ARHGAP6: variants seen among roughly 807,000 people sequenced by gnomAD.
The protein encoded by ARHGAP6 is rho GTPase-activating protein 6.
A neutral mutation model predicts 55.7 loss-of-function variants in ARHGAP6; 16 were observed. The ratio of observed to expected loss-of-function variants is 0.29; its 90% CI spans 0.19 to 0.44. The LOEUF is 0.44. Ranked by LOEUF, ARHGAP6 falls within the 20% of genes least tolerant of loss-of-function variation. The pLI, the probability that ARHGAP6 is intolerant of heterozygous loss-of-function variation, is 1.00. For missense variants in ARHGAP6, 698 were observed against 808.9 expected (o/e 0.86, Z 1.66); for synonymous variants, 382 against 360.9 (o/e 1.06, Z -0.66).
At chrX:11,142,160 T>C (rs746807335) in intron 12 of ARHGAP6, 73 bp downstream of exon 12, 4 of 719,453 alleles carry the variant, frequency 5.6e-6, no homozygotes, top group Non-Finnish European at 8.1e-6. Flanking sequence ...GCATGTAATA[T>C]AATGATAGTA....
At chrX:11,295,503 G>GGT (rs1203826439) in intron 1 of ARHGAP6, among the ~76,000 whole-genome samples, 2 of 111,361 alleles carry the variant, frequency 1.8e-5, no homozygotes, top group Admixed American at 1.9e-4. Flanking sequence ...TCTGGACACA[G>GGT]GTGCATAAGG....
At position 11,476,611 on chromosome X, in the gene ARHGAP6, GGAT is replaced by G. The variant is rs780996486; in HGVS notation, c.588+187627_588+187629del. The stretch of plus-strand genomic sequence containing the variant: ...AAGACATTGTGTACAGTGAAAGACA[GGAT>G]GATAATTGCATGAAGAAAGACATAT... On this transcript the variant is annotated intron_variant, in intron 1 of 12. Transcript: ENST00000337414. Among the ~76,000 whole-genome samples, 538 of 111,110 alleles carry G rather than the reference GGAT, an allele frequency of 4.8e-3. 3 individuals carry two copies. Among genetic ancestry groups the G allele is most frequent in the African/African-American group, 0.016 (499 of 30,722 alleles).
At chrX:11,636,224 A>G (rs1002370352) in intron 1 of ARHGAP6, among the ~76,000 whole-genome samples, 1 of 111,515 alleles carries the variant, frequency 9.0e-6, no homozygotes, top group Non-Finnish European at 1.9e-5. Context: ...AACAAATTAT[A>G]TGAACACCCT....
chrX:11,513,738 AT>A (rs1240568404), intron 1 of ARHGAP6, among the ~76,000 whole-genome samples: 1 of 111,221 alleles, frequency 9.0e-6, no homozygotes, highest in Admixed American at 9.6e-5. Flanking sequence ...CATGCGACAA[AT>A]TCTTTCCAAA....
intron 1 of ARHGAP6, among the ~76,000 whole-genome samples, chrX:11,262,146 A>T (rs892123969): frequency 5.4e-5 from 6 of 111,955 alleles, no homozygotes; most frequent in African/African-American, 1.6e-4. Context: ...ACATAAACAG[A>T]ATCATAGGGC....
intron 2 of ARHGAP6, among the ~76,000 whole-genome samples, chrX:11,216,200 T>TAAA (rs112779032): frequency 1.0e-5 from 1 of 96,365 alleles, no homozygotes. Flanking sequence ...GTCTTCCTCT[T>TAAA]AAAAAAAAAA....
intron 1 of ARHGAP6, among the ~76,000 whole-genome samples, chrX:11,363,518 T>A (rs749212325): frequency 9.8e-5 from 11 of 111,966 alleles, no homozygotes; most frequent in Non-Finnish European, 1.5e-4. Flanking sequence ...TCCATATGAG[T>A]ATAACATTGA....
chrX:11,646,246 T>C (rs902511096), intron 1 of ARHGAP6, among the ~76,000 whole-genome samples: 1 of 111,228 alleles, frequency 9.0e-6, no homozygotes, highest in East Asian at 2.8e-4. Context: ...GTAATACCCA[T>C]GGGTATTACA....
intron 2 of ARHGAP6, among the ~76,000 whole-genome samples, chrX:11,208,120 T>TA (rs1164662789): frequency 1.8e-5 from 2 of 111,594 alleles, no homozygotes; most frequent in East Asian, 5.6e-4. Flanking sequence ...GAAACAGGGA[T>TA]AAAAAATATT....
chrX:11,339,749 G>A (rs1280409000), intron 1 of ARHGAP6, among the ~76,000 whole-genome samples: 1 of 110,729 alleles, frequency 9.0e-6, no homozygotes, highest in African/African-American at 3.3e-5. Context: ...CCCCATCTAG[G>A]GGCATCACAT....
intron 9 of ARHGAP6, among the ~76,000 whole-genome samples, chrX:11,158,669 C>T (rs182813671): frequency 3.6e-4 from 40 of 112,403 alleles, no homozygotes; most frequent in Admixed American, 1.0e-3. Context: ...CACTTGCATA[C>T]TGTCCTCAAT....
rs2046949349 is a variant in ARHGAP6, at chrX:11,220,287, C to A, written c.749-23291G>T. Among the ~76,000 whole-genome samples the A allele has an allele frequency of 7.2e-5, 8 of 111,235 alleles. No individual in the cohort carries two copies. In the South Asian group the frequency reaches 2.7e-3, roughly 37 times the overall value. ...ACCAGTACCATGCTGTTTTACACCA[C>A]AAAGATACTCCTCGAGAAGAGCAAC... On this transcript the variant is annotated intron_variant, in intron 2 of 12. Coordinates refer to ENST00000337414, the MANE Select transcript of ARHGAP6 (RefSeq NM_013427.3).
rs746242897 is a variant in ARHGAP6, at chrX:11,144,076, C to G, written c.2080G>C (p.Glu694Gln). 5.8e-6 allele frequency: 7 copies of G among 1,211,116 alleles called. No homozygotes were observed. The South Asian group carries it at 1.1e-4, about 18-fold the overall frequency. Residue 694 changes from glutamate to glutamine, a missense_variant, in exon 11 of 13, where the codon GAG (glutamate) becomes CAG (glutamine). Coordinates refer to ENST00000337414, the MANE Select transcript of ARHGAP6 (RefSeq NM_013427.3). ...MQEDAAPGGS[E>Q]KLYRVPGQFM... is the part of the protein sequence containing the mutation. The stretch of plus-strand genomic sequence containing the variant: ...TGCCCTGGCACTCTGTAAAGCTTCT[C>G]CGAGCCCCCCGGGGCCGCGTCCTCT...
At position 11,431,834 on chromosome X, in the gene ARHGAP6, G is replaced by A. The variant is rs767040003; in HGVS notation, c.589-177127C>T. Among the ~76,000 whole-genome samples, 4 of 112,457 alleles carry A rather than the reference G, an allele frequency of 3.6e-5. No individual in the cohort carries two copies. The South Asian group carries it at 1.5e-3, about 42-fold the overall frequency. Reference sequence around the variant, plus strand: ...CCCTAGACCCCCATGTCCCTTGGCTGTATTTCCCTCCTCCATCCCAGTGGT... The same window carrying A: ...CCCTAGACCCCCATGTCCCTTGGCTATATTTCCCTCCTCCATCCCAGTGGT... On this transcript the variant is annotated intron_variant, in intron 1 of 12. Coordinates refer to ENST00000337414, the MANE Select transcript of ARHGAP6 (RefSeq NM_013427.3).
intron 1 of ARHGAP6, among the ~76,000 whole-genome samples, chrX:11,481,859 G>C (rs928989604): frequency 1.6e-4 from 18 of 112,201 alleles, no homozygotes; most frequent in African/African-American, 5.8e-4. Flanking sequence ...TCTGAATACA[G>C]GTCCAGTATT....
chrX:11,577,223 C>T (rs1363261263), intron 1 of ARHGAP6, among the ~76,000 whole-genome samples: 1 of 112,328 alleles, frequency 8.9e-6, no homozygotes, highest in African/African-American at 3.2e-5. Context: ...TATTATTCTG[C>T]TGACCACAGG....
intron 1 of ARHGAP6, among the ~76,000 whole-genome samples, chrX:11,523,477 T>C (rs1217894531): frequency 1.8e-5 from 2 of 112,017 alleles, no homozygotes; most frequent in Admixed American, 9.5e-5. Flanking sequence ...ATTGTATATC[T>C]AGAATATCCC....
At chrX:11,199,421 C>T (rs1403780636) in intron 2 of ARHGAP6, among the ~76,000 whole-genome samples, 1 of 111,439 alleles carries the variant, frequency 9.0e-6, no homozygotes, top group Non-Finnish European at 1.9e-5. Context: ...TGGGGTGTCA[C>T]CCAGCAATGT....
chrX:11,235,339 G>A (rs975164996), intron 2 of ARHGAP6, among the ~76,000 whole-genome samples: 1 of 112,750 alleles, frequency 8.9e-6, no homozygotes, highest in Admixed American at 9.3e-5. Flanking sequence ...GGAACTCAGG[G>A]CACCATGTCC....
Sources: gnomAD v4.1 joint callset for allele counts (sites outside exome capture counted in the v4.1 genomes callset) on GRCh38, gnomAD v4.1.1 for gene constraint, MANE v1.5 for transcripts, NCBI Gene and HGNC (gene_info 2026-07-23, HGNC 2026-07-21) for gene names.